AFTPH: variants seen among roughly 807,000 people sequenced by gnomAD.
The protein encoded by AFTPH is aftiphilin protein.
In AFTPH, 7 loss-of-function variants were observed where a neutral mutation model predicts 72.5. That is an observed-to-expected ratio of 0.10 (90% confidence interval 0.05 to 0.18). The LOEUF is 0.18. AFTPH is among the 10% of genes least tolerant of loss of function. The pLI, the probability that AFTPH is intolerant of heterozygous loss-of-function variation, is 1.00. For missense variants in AFTPH, 979 were observed against 1,060.5 expected (o/e 0.92, Z 1.07); for synonymous variants, 337 against 370.1 (o/e 0.91, Z 1.03).
At chr2:64,557,657 C>A (rs1671462433) in intron 2 of AFTPH, among the ~76,000 whole-genome samples, 1 of 152,158 alleles carries the variant, frequency 6.6e-6, no homozygotes, top group South Asian at 2.1e-4. Flanking sequence ...CTGAATATAA[C>A]CAGTCCTACC....
exon 9 of AFTPH, chr2:64,592,149 G>A: frequency 8.8e-7 from 1 of 1,142,236 alleles, no homozygotes; most frequent in East Asian, 2.6e-5. Flanking sequence ...AAGTTCAGCT[G>A]ATTTGTTGGT....
In AFTPH at chr2:64,581,276, C is replaced by G; in HGVS notation, c.2455+1730C>G. 1 of 1,586,500 alleles carries G rather than the reference C, an allele frequency of 6.3e-7. No homozygotes were observed. Among genetic ancestry groups the G allele is most frequent in the Non-Finnish European group, 8.6e-7 (1 of 1,166,134 alleles). The stretch of plus-strand genomic sequence containing the variant: ...TAGCAGCAGCACCACAATCCCAGGT[C>G]AGCAGAGTGTTAAAACCACAATTCC... On this transcript the variant is annotated intron_variant, in intron 7 of 8. Transcript: ENST00000238856.
At chr2:64,552,284 CAAT>C in exon 2 of AFTPH, 1 of 1,614,016 alleles carries the variant, frequency 6.2e-7, no homozygotes, top group Non-Finnish European at 8.5e-7. Context: ...TTAATAGAGT[CAAT>C]GAACTGAATT....
chr2:64,546,760 C>G (rs978463889), intron 1 of AFTPH, among the ~76,000 whole-genome samples: 1 of 151,774 alleles, frequency 6.6e-6, no homozygotes, highest in South Asian at 2.1e-4. Flanking sequence ...CAAGGCTGGG[C>G]ATGGTGGCTC....
intron 2 of AFTPH, among the ~76,000 whole-genome samples, chr2:64,560,715 C>A (rs1480133703): frequency 6.6e-6 from 1 of 151,940 alleles, no homozygotes; most frequent in East Asian, 1.9e-4. Context: ...TCTACTAAAA[C>A]TACAAAAGTT....
chr2:64,529,409 T>C (rs1669470190), intron 1 of AFTPH, among the ~76,000 whole-genome samples: 1 of 152,216 alleles, frequency 6.6e-6, no homozygotes, highest in African/African-American at 2.4e-5. Flanking sequence ...GATGTTTATA[T>C]TCTATCTTGC....
chr2:64,540,243 C>CA (rs1227212562), intron 1 of AFTPH, among the ~76,000 whole-genome samples: 3 of 151,558 alleles, frequency 2.0e-5, no homozygotes, highest in Admixed American at 1.3e-4. Context: ...AGTTCTAGGG[C>CA]AAAAAAAATG....
At chr2:64,538,371 G>T (rs1437890041) in intron 1 of AFTPH, among the ~76,000 whole-genome samples, 1 of 152,140 alleles carries the variant, frequency 6.6e-6, no homozygotes, top group Non-Finnish European at 1.5e-5. Context: ...CTAGGAATTT[G>T]TTCTCCATGG....
chr2:64,587,613 TA>T (rs1673591486), intron 8 of AFTPH, among the ~76,000 whole-genome samples: 1 of 152,222 alleles, frequency 6.6e-6, no homozygotes, highest in African/African-American at 2.4e-5. Flanking sequence ...TGATAGACTA[TA>T]GGGTAAGAAG....
chr2:64,564,861 C>A lies in AFTPH; in HGVS notation c.1936-2701C>A, dbSNP rs866761940. Among the ~76,000 whole-genome samples, 696 of 147,942 alleles carry A rather than the reference C, an allele frequency of 4.7e-3. 6 individuals are homozygous for A. The highest frequency in any genetic ancestry group is 0.017 in the African/African-American group (672 of 40,054). On this transcript the variant is annotated intron_variant, in intron 2 of 8. Coordinates refer to ENST00000238856, the Ensembl canonical transcript of AFTPH. The stretch of plus-strand genomic sequence containing the variant: ...TACACTTTTTTTTTTTTTTTAAGAC[C>A]AAGTCTTGCTCTGTCACCCAGGCTG...
intron 7 of AFTPH, 76 bp downstream of exon 8, chr2:64,581,349 C>A: frequency 1.7e-6 from 2 of 1,177,606 alleles, no homozygotes; most frequent in Non-Finnish European, 2.4e-6. Context: ...TTCCTATAAA[C>A]AAGGAAACAA....
intron 1 of AFTPH, among the ~76,000 whole-genome samples, chr2:64,540,425 ATC>A (rs1411058012): frequency 1.3e-5 from 2 of 152,166 alleles, no homozygotes; most frequent in African/African-American, 4.8e-5. Flanking sequence ...AGGTACAACA[ATC>A]TCTAATATTT....
At chr2:64,579,451 C>CTGAT (rs1475486541) in intron 6 of AFTPH, 35 bp from the exon 7 acceptor site, 2 of 1,581,058 alleles carry the variant, frequency 1.3e-6, no homozygotes, top group East Asian at 4.5e-5. Context: ...ACAACCTGTA[C>CTGAT]TGATTAATTT....
chr2:64,581,288 A>T lies in AFTPH; in HGVS notation c.2455+1742A>T. On this transcript the variant is annotated intron_variant, in intron 7 of 8. Transcript: ENST00000238856. ...CACAATCCCAGGTCAGCAGAGTGTTAAAACCACAATTCCAGTTTATTTACT... is the reference window on the plus strand; with the variant it reads ...CACAATCCCAGGTCAGCAGAGTGTTTAAACCACAATTCCAGTTTATTTACT... The T allele has an allele frequency of 1.9e-6, 3 of 1,570,990 alleles. No homozygotes were observed. The highest frequency in any genetic ancestry group is 2.6e-6 in the Non-Finnish European group (3 of 1,157,936).
chr2:64,536,368 AC>A (rs1461220796), intron 1 of AFTPH, among the ~76,000 whole-genome samples: 1 of 152,040 alleles, frequency 6.6e-6, no homozygotes, highest in Non-Finnish European at 1.5e-5. Flanking sequence ...GAAGTTTGAG[AC>A]CAGCCTGGCC....
At chr2:64,560,646 A>G (rs560167947) in intron 2 of AFTPH, among the ~76,000 whole-genome samples, 104 of 152,074 alleles carry the variant, frequency 6.8e-4, no homozygotes, top group Middle Eastern at 3.4e-3. Flanking sequence ...GCCAAGGCGG[A>G]TGGATCACTT....
intron 2 of AFTPH, among the ~76,000 whole-genome samples, chr2:64,566,929 T>C (rs1384223880): frequency 6.6e-6 from 1 of 152,120 alleles, no homozygotes; most frequent in East Asian, 1.9e-4. Context: ...TAAAAGATAA[T>C]GCATATCACC....
chr2:64,551,243 T>C (rs1182188170), intron 1 of AFTPH, among the ~76,000 whole-genome samples, 200 bp from the exon 2 acceptor site: 5 of 152,076 alleles, frequency 3.3e-5, no homozygotes, highest in African/African-American at 1.2e-4. Flanking sequence ...CAGTGCACTA[T>C]AGCTGTGTAA....
At chr2:64,567,423 TTCAC>T (rs1198449242) in intron 2 of AFTPH, 135 bp from the exon 3 acceptor site, 3 of 800,670 alleles carry the variant, frequency 3.7e-6, no homozygotes, top group Non-Finnish European at 5.7e-6. Context: ...TTGTGTTCTT[TTCAC>T]TCAGTGTTTT....
Sources: gnomAD v4.1 joint callset for allele counts (sites outside exome capture counted in the v4.1 genomes callset) on GRCh38, gnomAD v4.1.1 for gene constraint, MANE v1.5 for transcripts, NCBI Gene and HGNC (gene_info 2026-07-23, HGNC 2026-07-21) for gene names.